CRYBG1: variants seen among roughly 807,000 people sequenced by gnomAD.
CRYBG1 encodes the protein crystallin beta-gamma domain containing 1.
A neutral mutation model predicts 189.2 loss-of-function variants in CRYBG1; 139 were observed. The ratio of observed to expected loss-of-function variants is 0.73; its 90% CI spans 0.64 to 0.85. The LOEUF is 0.85. Ranked by LOEUF, CRYBG1 falls within the 40% of genes least tolerant of loss-of-function variation. CRYBG1 has a pLI of 0.00. For synonymous variants in CRYBG1, 1,023 were observed against 1,017.1 expected, an observed-to-expected ratio of 1.01 and a Z score of -0.11; for missense variants, 2,611 against 2,675.8, an observed-to-expected ratio of 0.98 and a Z score of 0.53.
chr6:106,554,443 G>A (rs1774485854), intron 16 of CRYBG1, among the ~76,000 whole-genome samples: 1 of 152,056 alleles, frequency 6.6e-6, no homozygotes, highest in Non-Finnish European at 1.5e-5. Flanking sequence ...GCAAAACCCT[G>A]TCTTTACTAA....
intron 1 of CRYBG1, among the ~76,000 whole-genome samples, chr6:106,420,189 C>T (rs1186401147): frequency 6.6e-6 from 1 of 152,056 alleles, no homozygotes; most frequent in Non-Finnish European, 1.5e-5. Flanking sequence ...TGAAGACACA[C>T]CCAGGAAAAA....
intron 2 of CRYBG1, among the ~76,000 whole-genome samples, chr6:106,509,950 C>T (rs1773212043): frequency 6.6e-6 from 1 of 152,078 alleles, no homozygotes; most frequent in South Asian, 2.1e-4. Flanking sequence ...TCAACAAATG[C>T]TTGTTGACCT....
intron 16 of CRYBG1, among the ~76,000 whole-genome samples, chr6:106,554,231 C>A (rs1276276770): frequency 2.0e-5 from 3 of 152,126 alleles, no homozygotes; most frequent in Non-Finnish European, 4.4e-5. Flanking sequence ...AGTAATAGTG[C>A]CTTTAATCAC....
chr6:106,561,046 T>A lies in CRYBG1; in HGVS notation c.5979+120T>A, dbSNP rs997731907. 6 of 1,142,062 alleles carry A rather than the reference T, an allele frequency of 5.3e-6. No homozygotes were observed. The African/African-American group carries it at 9.4e-5, about 18-fold the overall frequency. The allele number at this position is 1,142,062 out of a possible 1,614,324, so 70.7% of individuals were successfully genotyped here. On this transcript the variant is annotated intron_variant, in intron 19 of 21. Transcript: ENST00000633556. ...TTATAACTGGCCTCACCCTATAAAC[T>A]CCTTCCCTGCCCCAATAATCTGGGC...
At chr6:106,497,560 T>A (rs1327636037) in intron 2 of CRYBG1, among the ~76,000 whole-genome samples, 4 of 152,180 alleles carry the variant, frequency 2.6e-5, no homozygotes, top group Non-Finnish European at 2.9e-5. Context: ...TGTTTACGTG[T>A]GTGTGCACAC....
At chr6:106,461,848 C>T (rs1351545323) in intron 2 of CRYBG1, among the ~76,000 whole-genome samples, 4 of 152,242 alleles carry the variant, frequency 2.6e-5, no homozygotes, top group South Asian at 2.1e-4. Context: ...TGCTAATAAT[C>T]GCAGCAGGAA....
At chr6:106,479,766 G>C (rs971470332) in intron 2 of CRYBG1, among the ~76,000 whole-genome samples, 1 of 152,080 alleles carries the variant, frequency 6.6e-6, no homozygotes, top group Non-Finnish European at 1.5e-5. Flanking sequence ...TTTTTAATTA[G>C]GGTTATTTGT....
chr6:106,553,970 C>A (rs1313567732), intron 16 of CRYBG1, among the ~76,000 whole-genome samples: 1 of 152,156 alleles, frequency 6.6e-6, no homozygotes, highest in Admixed American at 6.5e-5. Context: ...AGGGAGCATA[C>A]CAGTCCGGCT....
chr6:106,450,446 C>T (rs1206092025), intron 1 of CRYBG1, among the ~76,000 whole-genome samples: 3 of 152,170 alleles, frequency 2.0e-5, no homozygotes, highest in Admixed American at 2.0e-4. Flanking sequence ...ACTTTACTGG[C>T]ATTCTTCATT....
intron 2 of CRYBG1, among the ~76,000 whole-genome samples, chr6:106,473,055 T>C (rs546863194): frequency 1.3e-5 from 2 of 152,320 alleles, no homozygotes; most frequent in South Asian, 4.1e-4. Context: ...AATCTTGAGG[T>C]TGTGATTAGT....
intron 1 of CRYBG1, among the ~76,000 whole-genome samples, chr6:106,432,768 T>C (rs953222470): frequency 6.6e-6 from 1 of 152,222 alleles, no homozygotes; most frequent in Non-Finnish European, 1.5e-5. Flanking sequence ...CCCCTGGGCT[T>C]TACACATTCT....
intron 1 of CRYBG1, among the ~76,000 whole-genome samples, chr6:106,429,547 C>T (rs1272846412): frequency 1.3e-5 from 2 of 152,154 alleles, no homozygotes; most frequent in Non-Finnish European, 2.9e-5. Flanking sequence ...TTAGCTATTG[C>T]TGTGGGATAT....
chr6:106,563,942 T>C lies in CRYBG1; in HGVS notation c.6301+16T>C. 3.8e-6 allele frequency: 6 copies of C among 1,592,692 alleles called. No individual in the cohort carries two copies. The highest frequency in any genetic ancestry group is 5.2e-6 in the Non-Finnish European group (6 of 1,161,748). On this transcript the variant is annotated intron_variant, in intron 21 of 21. Transcript: ENST00000633556. ...GACATTAAAGGTAAGGGTCACTTCC[T>C]TTATTTTCTTTATTGTAATGTGTAT...
chr6:106,469,450 C>T (rs569962819), intron 2 of CRYBG1, among the ~76,000 whole-genome samples: 1 of 152,320 alleles, frequency 6.6e-6, no homozygotes, highest in East Asian at 1.9e-4. Context: ...CTATGTCTGG[C>T]ACATATTAGG....
At chr6:106,425,184 G>T (rs1477214719) in intron 1 of CRYBG1, among the ~76,000 whole-genome samples, 1 of 152,026 alleles carries the variant, frequency 6.6e-6, no homozygotes, top group Non-Finnish European at 1.5e-5. Flanking sequence ...TGCCATCTTT[G>T]CTACATTCTA....
intron 1 of CRYBG1, among the ~76,000 whole-genome samples, chr6:106,372,326 A>G (rs1044042503): frequency 2.6e-5 from 4 of 151,682 alleles, no homozygotes; most frequent in African/African-American, 4.9e-5. Context: ...ATCTCAACTC[A>G]CTGTAGCCTT....
chr6:106,377,492 T>C (rs1019101654), intron 1 of CRYBG1, among the ~76,000 whole-genome samples: 1 of 151,982 alleles, frequency 6.6e-6, no homozygotes, highest in Non-Finnish European at 1.5e-5. Context: ...GCCTTTTAAA[T>C]CCAATAAATG....
intron 8 of CRYBG1, among the ~76,000 whole-genome samples, 188 bp from the exon 9 acceptor site, chr6:106,539,215 T>C (rs1206269165): frequency 6.6e-6 from 1 of 152,206 alleles, no homozygotes; most frequent in Non-Finnish European, 1.5e-5. Context: ...AGATCAAGAA[T>C]AGGGGCATAT....
chr6:106,407,511 G>A (rs938096122), intron 1 of CRYBG1, among the ~76,000 whole-genome samples: 4 of 151,936 alleles, frequency 2.6e-5, no homozygotes, highest in Admixed American at 6.6e-5. Context: ...TTCAGGACTC[G>A]AACTCAGCTC....
Sources: allele counts gnomAD v4.1 joint callset (sites outside exome capture counted in the v4.1 genomes callset), GRCh38; gene constraint gnomAD v4.1.1; transcripts MANE v1.5; gene names NCBI Gene and HGNC (gene_info 2026-07-23, HGNC 2026-07-21).